The following CAP2 variants were observed in gnomAD, a reference collection of about 807,000 sequenced individuals.
CAP2 encodes cyclase associated actin cytoskeleton regulatory protein 2.
CAP2 carries 24 observed loss-of-function variants against 57.7 expected under a neutral mutation model. The ratio of observed to expected loss-of-function variants is 0.42; its 90% confidence interval spans 0.30 to 0.58. The LOEUF (loss-of-function observed/expected upper bound fraction) is 0.58, where lower values mean the gene tolerates loss of function less well. CAP2 is among the 20% of genes least tolerant of loss of function. The pLI, the probability that CAP2 is intolerant of heterozygous loss-of-function variation, is 0.22. For missense variants in CAP2, 501 were observed against 590.3 expected (o/e 0.85, Z 1.57); for synonymous variants, 194 against 207.2 (o/e 0.94, Z 0.55).
chr6:17,531,603 C>T, intron 7 of CAP2: 3 of 1,471,316 alleles, frequency 2.0e-6, no homozygotes, highest in Middle Eastern at 2.3e-4. Context: ...TCTGGCACAG[C>T]AGGAACCTTC....
chr6:17,487,359 A>C (rs1157057943), intron 4 of CAP2, among the ~76,000 whole-genome samples: 1 of 152,136 alleles, frequency 6.6e-6, no homozygotes, highest in East Asian at 1.9e-4. Context: ...ACTTCCAACT[A>C]GGCCACTGCT....
intron 12 of CAP2, among the ~76,000 whole-genome samples, chr6:17,555,593 C>T (rs1763282440): frequency 6.9e-6 from 1 of 144,074 alleles, no homozygotes; most frequent in Non-Finnish European, 1.5e-5. Flanking sequence ...ATGGAGTTTT[C>T]ACTTTTGTTG....
At chr6:17,450,114 C>G (rs988899393) in intron 3 of CAP2, among the ~76,000 whole-genome samples, 3 of 151,550 alleles carry the variant, frequency 2.0e-5, no homozygotes, top group East Asian at 3.9e-4. Flanking sequence ...TGCAGTGGCA[C>G]GATCTCGGCT....
chr6:17,452,177 C>T (rs1442109411), intron 3 of CAP2, among the ~76,000 whole-genome samples: 9 of 152,156 alleles, frequency 5.9e-5, no homozygotes, highest in African/African-American at 1.2e-4. Context: ...ATTAAAATGC[C>T]GACTAATGAT....
At chr6:17,543,665 C>T (rs1762965809) in intron 11 of CAP2, among the ~76,000 whole-genome samples, 1 of 151,352 alleles carries the variant, frequency 6.6e-6, no homozygotes, top group Non-Finnish European at 1.5e-5. Context: ...CTTGCTCCCC[C>T]ATGGCCACCT....
intron 4 of CAP2, among the ~76,000 whole-genome samples, chr6:17,501,073 A>G (rs1205441649): frequency 6.6e-6 from 1 of 152,210 alleles, no homozygotes; most frequent in African/African-American, 2.4e-5. Flanking sequence ...TGCAAATGTC[A>G]TTACCTTGAA....
chr6:17,445,588 T>C (rs1760235961), intron 3 of CAP2, among the ~76,000 whole-genome samples: 1 of 152,210 alleles, frequency 6.6e-6, no homozygotes, highest in South Asian at 2.1e-4. Flanking sequence ...TGGTGGGGAC[T>C]TTACTGTGTA....
In CAP2 at chr6:17,393,607, G is replaced by C. The variant is rs1758592335; in HGVS notation, c.-141G>C. ...GGAAGCTGCCGGCGACTCTCCCCTGGAGCAGCGTGACTGACACCGGCTCCT... is the reference window on the plus strand; with the variant it reads ...GGAAGCTGCCGGCGACTCTCCCCTGCAGCAGCGTGACTGACACCGGCTCCT... On this transcript the variant is annotated 5_prime_UTR_variant, in exon 1 of 13. Coordinates refer to ENST00000229922, the MANE Select transcript of CAP2 (RefSeq NM_006366.3). The C allele has an allele frequency of 6.6e-6, 1 of 152,308 alleles. No individual in the cohort carries two copies. Among genetic ancestry groups the C allele is most frequent in the Non-Finnish European group, 1.5e-5 (1 of 68,132 alleles). 9.4% of individuals were successfully genotyped at this position (152,308 alleles called of 1,614,324 possible). A position where few individuals can be genotyped will look rare whatever the true frequency, so the allele number is the denominator to read the frequency against.
intron 4 of CAP2, among the ~76,000 whole-genome samples, chr6:17,486,341 C>T (rs949116302): frequency 1.3e-5 from 2 of 152,226 alleles, no homozygotes; most frequent in Admixed American, 6.5e-5. Context: ...TGTGGGGGCT[C>T]ATGCCTGTAA....
chr6:17,458,641 G>A (rs1581536058), intron 3 of CAP2, among the ~76,000 whole-genome samples: 1 of 152,110 alleles, frequency 6.6e-6, no homozygotes, highest in African/African-American at 2.4e-5. Flanking sequence ...ACACGGGGAT[G>A]AAATTAACCT....
At chr6:17,445,115 T>C (rs1203608910) in intron 3 of CAP2, among the ~76,000 whole-genome samples, 1 of 152,224 alleles carries the variant, frequency 6.6e-6, no homozygotes, top group Non-Finnish European at 1.5e-5. Context: ...TCTTATTATT[T>C]ATCTATTTGG....
chr6:17,542,761 T>C lies in CAP2; in HGVS notation c.1003-76T>C, dbSNP rs1216373390. On this transcript the variant is annotated intron_variant, in intron 9 of 12. Transcript: ENST00000229922. ...TGCAAAGCCATACTTCATGCTGAGC[T>C]CGTACTAATTTCAGTGTGCAGTGGT... is the stretch of plus-strand genomic sequence containing the variant. The C allele has an allele frequency of 5.2e-6, 6 of 1,150,794 alleles. No individual in the cohort carries two copies. The Admixed American group carries it at 1.2e-4, about 23-fold the overall frequency. 71.3% of individuals were successfully genotyped at this position (1,150,794 alleles called of 1,614,324 possible).
intron 7 of CAP2, among the ~76,000 whole-genome samples, chr6:17,529,651 A>AAAAAAAAAAATATAT (rs10656588): frequency 1.0e-4 from 14 of 134,532 alleles, no homozygotes; most frequent in African/African-American, 2.6e-4. Flanking sequence ...AAAAAAAAAA[A>AAAAAAAAAAATATAT]ATATATATAT....
chr6:17,458,243 G>C (rs975964871), intron 3 of CAP2, among the ~76,000 whole-genome samples: 1 of 152,148 alleles, frequency 6.6e-6, no homozygotes, highest in Non-Finnish European at 1.5e-5. Context: ...CAAAATTTGA[G>C]ATCTTGAGCA....
At chr6:17,452,111 G>A (rs11966620) in intron 3 of CAP2, among the ~76,000 whole-genome samples, 16,876 of 152,196 alleles carry the variant, frequency 0.11, 3,054 homozygotes, top group African/African-American at 0.38. Flanking sequence ...GACTGTGTGT[G>A]TAGGGCAAGT....
chr6:17,444,802 CTCCA>C (rs1359070502), intron 3 of CAP2, among the ~76,000 whole-genome samples: 3 of 85,876 alleles, frequency 3.5e-5, no homozygotes, highest in African/African-American at 1.2e-4. Context: ...GTTTCTCTCT[CTCCA>C]CACACACACA....
chr6:17,426,467 T>C, intron 2 of CAP2, 123 bp from the exon 3 acceptor site: 1 of 690,100 alleles, frequency 1.4e-6, no homozygotes, highest in Non-Finnish European at 2.7e-6. Context: ...ACTCCTGACC[T>C]CAGGTGATCT....
intron 4 of CAP2, among the ~76,000 whole-genome samples, chr6:17,479,154 G>A (rs1173737010): frequency 3.9e-5 from 6 of 152,138 alleles, no homozygotes; most frequent in Non-Finnish European, 8.8e-5. Context: ...ACGGCCCTGG[G>A]CATGGGTGTC....
intron 1 of CAP2, among the ~76,000 whole-genome samples, chr6:17,415,055 T>C (rs759583980): frequency 6.6e-6 from 1 of 152,212 alleles, no homozygotes; most frequent in Non-Finnish European, 1.5e-5. Context: ...ATGTCTTCTT[T>C]TGAGAAAAGT....
Sources: gnomAD v4.1 joint callset for allele counts (sites outside exome capture counted in the v4.1 genomes callset) on GRCh38, gnomAD v4.1.1 for gene constraint, MANE v1.5 for transcripts, NCBI Gene and HGNC (gene_info 2026-07-23, HGNC 2026-07-21) for gene names.